PTCH2: variants seen among roughly 807,000 people sequenced by gnomAD.
The protein encoded by PTCH2 is patched 2.
Under a neutral mutation model 117.9 loss-of-function variants are expected in PTCH2, and 96 were observed. The observed-to-expected ratio is 0.81, with a 90% CI of 0.69 to 0.96. The LOEUF is 0.96. Among genes scored for constraint, PTCH2 ranks in the 50% least tolerant of loss-of-function variants. PTCH2 has a pLI of 0.00. For synonymous variants in PTCH2, 615 were observed against 660.9 expected, an observed-to-expected ratio of 0.93 and a Z score of 1.06; for missense variants, 1,379 against 1,562.5, an observed-to-expected ratio of 0.88 and a Z score of 1.98.
chr1:44,838,101 G>T (rs1172750219), intron 2 of PTCH2, among the ~76,000 whole-genome samples: 18 of 151,456 alleles, frequency 1.2e-4, no homozygotes, highest in Admixed American at 1.2e-3. Flanking sequence ...AAAAAAGAAA[G>T]GATGGGTTTG....
intron 2 of PTCH2, among the ~76,000 whole-genome samples, chr1:44,840,913 A>G (rs1257409001): frequency 6.6e-6 from 1 of 150,600 alleles, no homozygotes; most frequent in Non-Finnish European, 1.5e-5. Context: ...ACAAAACAAA[A>G]ATTAGCTGGG....
In PTCH2 at chr1:44,823,726, G is replaced by A. The variant is rs11573593; in HGVS notation, c.3115-341C>T. ...GGCTGAGGTGGGTGGATCACCTGAG[G>A]TTGGGAGTTCCAGACCAGCCTGGGA... On this transcript the variant is annotated intron_variant, in intron 19 of 21. Transcript: ENST00000372192. This position sits in a 1 kb window ranked among gnomAD's most constrained non-coding sequence, Gnocchi z 5.1. Among the ~76,000 whole-genome samples, 2,053 of 152,118 alleles carry A rather than the reference G, an allele frequency of 0.013. 47 individuals are homozygous for A. Among genetic ancestry groups the A allele is most frequent in the African/African-American group, 0.047 (1,938 of 41,482 alleles).
rs1573638322 is a variant in PTCH2, at chr1:44,822,571, G to A, written c.3456C>T (p.Ser1152=). 2 of 1,614,126 alleles carry A rather than the reference G, an allele frequency of 1.2e-6. No individual in the cohort carries two copies. The highest frequency in any genetic ancestry group is 1.7e-6 in the Non-Finnish European group (2 of 1,179,996). Residue 1152 remains serine, a synonymous_variant, in exon 22 of 22, where the codon AGC becomes AGT. Transcript: ENST00000372192. ...RWGASSSLPQ[S]FARVTTSMTV... is the part of the protein sequence containing the mutation. The stretch of plus-strand genomic sequence containing the variant: ...TCATGGAGGTAGTCACTCTGGCAAA[G>A]CTCTGGGGCAGGGAGGAGGATGCCC...
In PTCH2 at chr1:44,828,412, C is replaced by T. The variant is rs11573585; in HGVS notation, c.1593G>A (p.Ala531=). The T allele has an allele frequency of 2.8e-4, 453 of 1,614,128 alleles. 1 individual carries two copies. In the African/African-American group the frequency reaches 3.7e-3, roughly 13 times the overall value. Residue 531 remains alanine (A), a splice_region_variant and synonymous_variant, in exon 13 of 22, where the codon GCG becomes GCA. Coordinates refer to ENST00000372192, the MANE Select transcript of PTCH2 (RefSeq NM_003738.5). ...CAAAGGTGCAGCCAACCACTATGGCCGCCTGGGGGACGGACAGGAGGGGAA... is the reference window on the plus strand; with the variant it reads ...CAAAGGTGCAGCCAACCACTATGGCTGCCTGGGGGACGGACAGGAGGGGAA... The part of the protein sequence containing the change: ...IPALRAFSLQ[A]AIVVGCTFVA...
chr1:44,824,210 A>G (rs1353425079), intron 19 of PTCH2, among the ~76,000 whole-genome samples: 2 of 152,244 alleles, frequency 1.3e-5, no homozygotes, highest in Non-Finnish European at 2.9e-5. Context: ...TTCTCAGAGT[A>G]GCGTTTCAGA....
chr1:44,829,420 C>T lies in PTCH2; in HGVS notation c.1197G>A (p.Val399=). Residue 399 remains valine, a synonymous_variant, in exon 9 of 22, where the codon GTG becomes GTA. Coordinates refer to ENST00000372192, the MANE Select transcript of PTCH2 (RefSeq NM_003738.5). Reference sequence around the variant, plus strand: ...GACCCACCATGAGCAGATAGCCTCCCACCACACGGGCAGCACTGACTTCAG... The same window carrying T: ...GACCCACCATGAGCAGATAGCCTCCTACCACACGGGCAGCACTGACTTCAG... ...AFSEVSAARV[V]GGYLLMLAYA... 1 of 1,614,226 alleles carries T rather than the reference C, an allele frequency of 6.2e-7. No homozygotes were observed. The highest frequency in any genetic ancestry group is 1.3e-5 in the African/African-American group (1 of 75,050).
intron 2 of PTCH2, among the ~76,000 whole-genome samples, chr1:44,836,146 G>A (rs1378219617): frequency 6.6e-6 from 1 of 152,148 alleles, no homozygotes; most frequent in East Asian, 1.9e-4. Context: ...GGACAGCTGG[G>A]CTCCTCCCCA....
At position 44,823,162 on chromosome 1, in the gene PTCH2, G is replaced by A. The variant is rs2148871755; in HGVS notation, c.3264C>T (p.Phe1088=). The change falls in exon 21 of 22, where the codon TTC becomes TTT. Residue 1088 remains phenylalanine, a synonymous_variant. Coordinates refer to ENST00000372192, the MANE Select transcript of PTCH2 (RefSeq NM_003738.5). This position sits in a 1 kb window ranked among gnomAD's most constrained non-coding sequence, Gnocchi z 5.1. Reference sequence around the variant, plus strand: ...GCGTGAGCACTGTCAGCGCCGCAAAGAAGTACCTAGGGGTAGGGTGTGGGG... The same window carrying A: ...GCGTGAGCACTGTCAGCGCCGCAAAAAAGTACCTAGGGGTAGGGTGTGGGG... ...GSHFDFIVRY[F]FAALTVLTLL... is the part of the protein sequence containing the mutation. 1 of 1,614,112 alleles carries A rather than the reference G, an allele frequency of 6.2e-7. No individual in the cohort carries two copies. The highest frequency in any genetic ancestry group is 8.5e-7 in the Non-Finnish European group (1 of 1,179,986).
rs760320294 is a variant in PTCH2, at chr1:44,822,575, T to TG, written c.3451dup (p.Gln1151ProfsTer29). 1.9e-6 allele frequency: 3 copies of TG among 1,613,836 alleles called. No homozygotes were observed. In the African/African-American group the frequency reaches 4.0e-5, roughly 22 times the overall value. On this transcript the variant is annotated frameshift_variant, in exon 22 of 22. Transcript: ENST00000372192. LOFTEE classifies it high-confidence loss of function. ...GGAGGTAGTCACTCTGGCAAAGCTC[T>TG]GGGGCAGGGAGGAGGATGCCCCCCA...
rs766885306 is a variant in PTCH2, at chr1:44,830,857, G to C, written c.804C>G (p.His268Gln). 4 of 1,556,234 alleles carry C rather than the reference G, an allele frequency of 2.6e-6. No individual in the cohort carries two copies. In the Middle Eastern group the frequency reaches 5.3e-4, roughly 208 times the overall value. ...LHCPPSAPNH[H>Q]SRQAPNVAHE... Reference sequence around the variant, plus strand: ...CCTGGTTGGAACCCACCTGCCTGCTGTGATGGTTGGGGGCACTAGGTGGGC... The same window carrying C: ...CCTGGTTGGAACCCACCTGCCTGCTCTGATGGTTGGGGGCACTAGGTGGGC... Residue 268 changes from histidine to glutamine, a missense_variant, in exon 6 of 22, where the codon CAC (histidine) becomes CAG (glutamine). Coordinates refer to ENST00000372192, the MANE Select transcript of PTCH2 (RefSeq NM_003738.5).
At chr1:44,830,791 G>A (rs1244510315) in intron 6 of PTCH2, 57 bp downstream of exon 6, 2 of 1,485,066 alleles carry the variant, frequency 1.3e-6, no homozygotes, top group Non-Finnish European at 1.8e-6. Flanking sequence ...ACAGGAGTAT[G>A]AGGAAGGGAA....
chr1:44,827,108 C>A (rs200043879), intron 16 of PTCH2, 26 bp from the exon 17 acceptor site: 1 of 1,613,920 alleles, frequency 6.2e-7, no homozygotes, highest in African/African-American at 1.3e-5. Flanking sequence ...GGGCTGAAGG[C>A]CTGGGCCCAG....
At position 44,826,765 on chromosome 1, in the gene PTCH2, G is replaced by T; in HGVS notation, c.2699C>A (p.Pro900Gln). Residue 900 changes from proline to glutamine, a missense_variant, in exon 18 of 22, where the codon CCG (proline) becomes CAG (glutamine). By Grantham distance (76) the Pro-to-Gln change is moderately conservative. Transcript: ENST00000372192. The surrounding 1 kb of genome is among the most constrained non-coding windows in gnomAD (Gnocchi z 5.1). ...YDTTGENLRI[P>Q]PAQPLEFAQF... ...GGCAAACTCCAAGGGCTGAGCTGGC[G>T]GGACTGTGGAGGGGAGGGGAAGGGA... 7 of 1,597,384 alleles carry T rather than the reference G, an allele frequency of 4.4e-6. No homozygotes were observed. Among genetic ancestry groups the T allele is most frequent in the Non-Finnish European group, 6.0e-6 (7 of 1,169,828 alleles).
intron 2 of PTCH2, among the ~76,000 whole-genome samples, chr1:44,833,847 A>C (rs1014411047): frequency 1.1e-4 from 16 of 150,976 alleles, no homozygotes; most frequent in Middle Eastern, 3.4e-3. Flanking sequence ...ACCCGGCCCC[A>C]AGTTGGTCTT....
chr1:44,819,913 T>G (rs552412145), downstream of PTCH2: 2 of 153,160 alleles, frequency 1.3e-5, no homozygotes, highest in Non-Finnish European at 2.9e-5. Context: ...CTCAAAAAAT[T>G]GAATAAAAAC....
Position 44,823,266 on chromosome 1 carries a change from A to G in PTCH2, c.3234T>C (p.Gly1078=). The change falls in exon 20 of 22, where the codon GGT becomes GGC. Residue 1078 remains glycine, a synonymous_variant. Coordinates refer to ENST00000372192, the MANE Select transcript of PTCH2 (RefSeq NM_003738.5). This position sits in a 1 kb window ranked among gnomAD's most constrained non-coding sequence, Gnocchi z 5.1. ...ACCTTACAATGAAGTCAAAGTGGGA[A>G]CCAGCAAGCATGAGCAGACCCAGCA... ...STLLGLLMLA[G]SHFDFIVRYF... is the part of the protein sequence containing the mutation. 1 of 1,614,216 alleles carries G rather than the reference A, an allele frequency of 6.2e-7. No individual in the cohort carries two copies. The highest frequency in any genetic ancestry group is 2.2e-5 in the East Asian group (1 of 44,880).
chr1:44,830,700 G>C, intron 6 of PTCH2, 148 bp downstream of exon 6: 1 of 698,138 alleles, frequency 1.4e-6, no homozygotes, highest in East Asian at 3.1e-5. Context: ...TGGAACATTG[G>C]GGGCCTGGCA....
In PTCH2 at chr1:44,823,527, C is replaced by T; in HGVS notation, c.3115-142G>A. ...GTGAACTAAGTTCATGGGAACTGTACAGGGAGCATGCGTGAGTCCTTTTAG... is the reference window on the plus strand; with the variant it reads ...GTGAACTAAGTTCATGGGAACTGTATAGGGAGCATGCGTGAGTCCTTTTAG... On this transcript the variant is annotated intron_variant, in intron 19 of 21. Coordinates refer to ENST00000372192, the MANE Select transcript of PTCH2 (RefSeq NM_003738.5). This position sits in a 1 kb window ranked among gnomAD's most constrained non-coding sequence, Gnocchi z 5.1. The T allele has an allele frequency of 8.7e-7, 1 of 1,149,068 alleles. No individual in the cohort carries two copies. The highest frequency in any genetic ancestry group is 1.3e-6 in the Non-Finnish European group (1 of 780,490). The allele number at this position is 1,149,068 out of a possible 1,614,324, so 71.2% of individuals were successfully genotyped here.
intron 2 of PTCH2, among the ~76,000 whole-genome samples, chr1:44,833,594 G>A (rs1472864650): frequency 3.3e-5 from 5 of 149,962 alleles, no homozygotes; most frequent in Non-Finnish European, 7.4e-5. Context: ...CCGCCACCAG[G>A]CCTGGCTAAT....
Sources: allele counts gnomAD v4.1 joint callset (sites outside exome capture counted in the v4.1 genomes callset), GRCh38; gene constraint gnomAD v4.1.1; non-coding constraint Gnocchi (gnomAD v3.1); transcripts MANE v1.5; gene names NCBI Gene and HGNC (gene_info 2026-07-23, HGNC 2026-07-21).